Variants in FAHD1 observed in about 807,000 individuals in gnomAD.
FAHD1 encodes the protein oxaloacetate tautomerase FAHD1, mitochondrial.
In FAHD1, 14 loss-of-function variants were observed where a neutral mutation model predicts 12.7. That is an observed-to-expected ratio of 1.10 (90% CI 0.73 to 1.72). The LOEUF (loss-of-function observed/expected upper bound fraction) is 1.72, where lower values mean the gene tolerates loss of function less well. FAHD1 is among the 40% of genes most tolerant of loss of function. The probability of loss-of-function intolerance (pLI) is 0.00; values close to 1 mark genes in which losing one functional copy is unlikely to be tolerated. For missense variants in FAHD1, 351 were observed against 298.9 expected, an observed-to-expected ratio of 1.17 and a Z score of -1.29; for synonymous variants, 153 against 124.9, an observed-to-expected ratio of 1.22 and a Z score of -1.50.
At chr16:1,831,430 G>C (rs1898618054), downstream of FAHD1, among the ~76,000 whole-genome samples, 1 of 152,186 alleles carries the variant, frequency 6.6e-6, no homozygotes, top group Admixed American at 6.5e-5. Flanking sequence ...GTGAACCCAA[G>C]GGGAAGCTCT....
At chr16:1,835,682 C>A (rs1326036790) in intron 1 of FAHD1, among the ~76,000 whole-genome samples, 3 of 152,086 alleles carry the variant, frequency 2.0e-5, no homozygotes, top group Non-Finnish European at 4.4e-5. Flanking sequence ...TGTTTTAGAA[C>A]TAGGTTGTAG....
chr16:1,827,842 A>C (rs1307684213), exon 1 of FAHD1: 3 of 1,614,016 alleles, frequency 1.9e-6, no homozygotes, highest in Middle Eastern at 1.6e-4. Flanking sequence ...AAACGATGAG[A>C]TCGAGGCTGG....
Position 1,827,688 on chromosome 16 carries a change from C to T in FAHD1, c.450C>T (p.Asn150=), listed in dbSNP as rs142900137. ...AGCTGAAGCTCTGGCTCAAGGTCAA[C>T]GGCGAACTCAGACAGGAGGGTGAGA... Residue 150 remains asparagine, a synonymous_variant, in exon 1 of 1, where the codon AAC becomes AAT. Transcript: ENST00000427358. 1.2e-5 allele frequency: 20 copies of T among 1,614,016 alleles called. No individual in the cohort carries two copies. The African/African-American group carries it at 2.5e-4, about 20-fold the overall frequency.
Position 1,837,794 on chromosome 16 carries a change from A to C in FAHD1, c.628-222A>C, listed in dbSNP as rs996835338. ...ATAAAATGCACTAACTTTTAAATAA[A>C]TTTTGCTTCTTTCCAAGAGAAATTG... is the stretch of plus-strand genomic sequence containing the variant. On this transcript the variant is annotated intron_variant, in intron 1 of 2. Coordinates refer to the FAHD1 transcript ENST00000382666. The C allele has an allele frequency of 4.6e-6, 7 of 1,512,136 alleles. 1 individual carries two copies. The highest frequency in any genetic ancestry group is 2.1e-5 in the Admixed American group (1 of 47,686). 93.7% of individuals were successfully genotyped at this position (1,512,136 alleles called of 1,614,324 possible). A position where few individuals can be genotyped will look rare whatever the true frequency, so the allele number is the denominator to read the frequency against.
rs773201120 is a variant in FAHD1 at position 1,827,588 on chromosome 16, C to T, written c.350C>T (p.Thr117Ile). 5 of 1,613,742 alleles carry T rather than the reference C, an allele frequency of 3.1e-6. No individual in the cohort carries two copies. In the South Asian group the frequency reaches 4.4e-5, roughly 14 times the overall value. The stretch of plus-strand genomic sequence containing the variant: ...TGCAAGAAGAAGGGGCTGCCCTGGA[C>T]TCTGGCGAAGAGCTTCACGGCGTCC... The change falls in exon 1 of 1, where the codon ACT becomes ATT. Residue 117 changes from threonine to isoleucine, a missense_variant. Physicochemically the swap from Thr to Ile is moderately conservative, Grantham distance 89. Transcript: ENST00000427358.
At chr16:1,839,235 T>A (rs766461476) in intron 2 of FAHD1, 1 of 1,555,850 alleles carries the variant, frequency 6.4e-7, no homozygotes, top group South Asian at 1.2e-5. Context: ...TCTAAACATT[T>A]CTTCCTTTTT....
exon 2 of FAHD1, chr16:1,838,025 C>G: frequency 7.3e-7 from 1 of 1,374,026 alleles, no homozygotes; most frequent in Non-Finnish European, 9.7e-7. Context: ...GAGACAGGGT[C>G]TCACTCTGTC....
downstream of FAHD1, among the ~76,000 whole-genome samples, chr16:1,831,963 A>G (rs1402518304): frequency 6.6e-6 from 1 of 152,030 alleles, no homozygotes; most frequent in Non-Finnish European, 1.5e-5. Flanking sequence ...GGTGCCAAAA[A>G]GTTTGGGCCG....
exon 1 of FAHD1, chr16:1,828,294 G>C: frequency 3.2e-6 from 2 of 618,446 alleles, no homozygotes; most frequent in Non-Finnish European, 4.0e-6. Context: ...AAAAAAAAAA[G>C]AAACCATTTA....
At chr16:1,834,093 G>T in intron 1 of FAHD1, 1 of 531,500 alleles carries the variant, frequency 1.9e-6, no homozygotes, top group Non-Finnish European at 3.3e-6. Context: ...GATGAGAGAG[G>T]CCTTCAGACT....
chr16:1,827,606 C>A, exon 1 of FAHD1: 1 of 1,613,854 alleles, frequency 6.2e-7, no homozygotes, highest in Non-Finnish European at 8.5e-7. Flanking sequence ...AAGAGCTTCA[C>A]GGCGTCCTGC....
At chr16:1,833,986 T>C (rs1898672502) in intron 1 of FAHD1, 1 of 296,604 alleles carries the variant, frequency 3.4e-6, no homozygotes, top group African/African-American at 2.2e-5. Flanking sequence ...TTCAAATCTG[T>C]AGAAGATTAA....
chr16:1,827,255 C>T (rs753068298), exon 1 of FAHD1: 2 of 1,610,728 alleles, frequency 1.2e-6, no homozygotes, highest in East Asian at 2.2e-5. Context: ...GCATCCAGGC[C>T]ATTGTCCCGC....
chr16:1,830,944 A>ACCCC (rs145619324), downstream of FAHD1, among the ~76,000 whole-genome samples: 2 of 147,206 alleles, frequency 1.4e-5, no homozygotes, highest in Non-Finnish European at 3.0e-5. Context: ...ACACACACAC[A>ACCCC]CCCATATTTT....
Position 1,837,923 on chromosome 16 carries a change from T to C in FAHD1, c.628-93T>C, listed in dbSNP as rs1596962077. 17 of 1,457,616 alleles carry C rather than the reference T, an allele frequency of 1.2e-5. No homozygotes were observed. The East Asian group carries it at 4.3e-4, about 37-fold the overall frequency. The allele number at this position is 1,457,616 out of a possible 1,614,324, so 90.3% of individuals were successfully genotyped here. A position where few individuals can be genotyped will look rare whatever the true frequency, so the allele number is the denominator to read the frequency against. ...TATATTTGAAGTTTACAAAGAAAAT[T>C]CATTTTTGACAACAGTGTGAAACAA... On this transcript the variant is annotated intron_variant, in intron 1 of 2. Transcript: ENST00000382666.
chr16:1,828,153 C>T (rs535001912), exon 1 of FAHD1: 75 of 831,732 alleles, frequency 9.0e-5, no homozygotes, highest in Non-Finnish European at 1.2e-4. Flanking sequence ...TGGTGGCGGG[C>T]GCCTGTAGTC....
downstream of FAHD1, among the ~76,000 whole-genome samples, chr16:1,833,596 C>G (rs1344105374): frequency 2.2e-5 from 3 of 135,828 alleles, no homozygotes; most frequent in African/African-American, 8.3e-5. Flanking sequence ...GAGTCTCGCT[C>G]TGTCGCCCAG....
exon 1 of FAHD1, chr16:1,827,872 A>G (rs1898532253): frequency 9.9e-6 from 16 of 1,613,850 alleles, no homozygotes; most frequent in Non-Finnish European, 1.4e-5. Flanking sequence ...GCTGGTCAGT[A>G]TGACATTTAA....
At chr16:1,833,376 G>C (rs775002362), downstream of FAHD1, among the ~76,000 whole-genome samples, 2 of 151,990 alleles carry the variant, frequency 1.3e-5, no homozygotes, top group East Asian at 3.9e-4. Context: ...GGGCACTCCA[G>C]TGTGTCACCA....
Sources: allele counts gnomAD v4.1 joint callset (sites outside exome capture counted in the v4.1 genomes callset), GRCh38; gene constraint gnomAD v4.1.1; transcripts MANE v1.5; gene names NCBI Gene and HGNC (gene_info 2026-07-23, HGNC 2026-07-21).